Variants in HDAC9 observed in about 807,000 individuals in gnomAD.
HDAC9 encodes histone deacetylase 9, also known as MEF-2 interacting transcription repressor (MITR) protein.
Under a neutral mutation model 139.4 loss-of-function variants are expected in HDAC9, and 41 were observed. That is an observed-to-expected ratio of 0.29 (90% confidence interval 0.23 to 0.38). HDAC9 has a LOEUF of 0.38. Ranked by LOEUF, HDAC9 falls within the 10% of genes least tolerant of loss-of-function variation. The pLI is 1.00. For synonymous variants in HDAC9, 517 were observed against 476.2 expected (o/e 1.09, Z -1.12); for missense variants, 1,147 against 1,297.0 (o/e 0.88, Z 1.78).
chr7:18,484,380 C>T (rs1004932774), intron 1 of HDAC9, among the ~76,000 whole-genome samples: 1 of 151,402 alleles, frequency 6.6e-6, no homozygotes, highest in African/African-American at 2.4e-5. Flanking sequence ...ACAAAGGTAG[C>T]CCCATTATCA....
intron 23 of HDAC9, among the ~76,000 whole-genome samples, chr7:18,938,091 T>C (rs1781767661): frequency 1.3e-5 from 2 of 152,226 alleles, no homozygotes; most frequent in Admixed American, 6.5e-5. Context: ...GGGAGAACTC[T>C]GGCCATTTTA....
Position 18,761,021 on chromosome 7 carries a change from A to G in HDAC9, c.2044-1136A>G, listed in dbSNP as rs534658545. On this transcript the variant is annotated intron_variant, in intron 14 of 25. Transcript: ENST00000686413. ...AACATGAAAGGACAGCATTCCCTGA[A>G]CAGATTCTCCTTGAATTTCACTGTT... Among the ~76,000 whole-genome samples the G allele has an allele frequency of 2.0e-5, 3 of 152,330 alleles. No homozygotes were observed. In the South Asian group the frequency reaches 6.2e-4, roughly 32 times the overall value.
intron 9 of HDAC9, among the ~76,000 whole-genome samples, chr7:18,646,214 T>A (rs1787350375): frequency 6.6e-6 from 1 of 152,152 alleles, no homozygotes; most frequent in South Asian, 2.1e-4. Flanking sequence ...GACACATGAA[T>A]AGGCATTTTA....
rs1785050253 is a variant in HDAC9 at position 18,132,094 on chromosome 7, A to T, written c.-96-30135A>T. 3.9e-5 allele frequency among the ~76,000 whole-genome samples: 6 copies of T among 152,142 alleles called. No individual in the cohort carries two copies. In the South Asian group the frequency reaches 1.0e-3, roughly 26 times the overall value. On this transcript the variant is annotated intron_variant, in intron 1 of 12. Coordinates refer to the HDAC9 transcript ENST00000417496. ...TAACACCTTCACACGCCTCTTTTTG[A>T]AATTCTCTATTGCGTGTTCATTTAC... is the stretch of plus-strand genomic sequence containing the variant.
At chr7:18,393,456 C>T (rs948996549) in intron 1 of HDAC9, among the ~76,000 whole-genome samples, 1 of 152,050 alleles carries the variant, frequency 6.6e-6, no homozygotes, top group African/African-American at 2.4e-5. Context: ...ATCAGGCATG[C>T]TTCTCCTACT....
intron 2 of HDAC9, among the ~76,000 whole-genome samples, chr7:18,221,368 G>C (rs1584708839): frequency 6.6e-6 from 1 of 152,244 alleles, no homozygotes; most frequent in Middle Eastern, 3.4e-3. Flanking sequence ...GCCTCGCAAA[G>C]TGCTGGGATT....
chr7:18,357,256 G>A (rs536469285), intron 1 of HDAC9, among the ~76,000 whole-genome samples: 308 of 152,204 alleles, frequency 2.0e-3, no homozygotes, highest in Non-Finnish European at 3.6e-3. Context: ...ATGTGAAAAA[G>A]GGTAGACATC....
chr7:18,432,069 T>G (rs1205312726), intron 1 of HDAC9, among the ~76,000 whole-genome samples: 1 of 152,222 alleles, frequency 6.6e-6, no homozygotes, highest in African/African-American at 2.4e-5. Context: ...CCCAGCTGTT[T>G]AGCCCTATTT....
In HDAC9 at chr7:18,172,459, G is replaced by A. The variant is rs189923134; in HGVS notation, c.25+10110G>A. Among the ~76,000 whole-genome samples, 1,092 of 152,062 alleles carry A rather than the reference G, an allele frequency of 7.2e-3. 11 individuals are homozygous for A. Among genetic ancestry groups the A allele is most frequent in the African/African-American group, 0.026 (1,061 of 41,462 alleles). On this transcript the variant is annotated intron_variant, in intron 2 of 12. Transcript: ENST00000417496. ...TTATGTCTCTATCTCCTTCAGTTCTGCTCTGATCTTAGTTATTTCTTGCCT... is the reference window on the plus strand; with the variant it reads ...TTATGTCTCTATCTCCTTCAGTTCTACTCTGATCTTAGTTATTTCTTGCCT...
intron 3 of HDAC9, among the ~76,000 whole-genome samples, chr7:18,590,003 C>T (rs1469961648): frequency 6.6e-6 from 1 of 152,000 alleles, no homozygotes; most frequent in African/African-American, 2.4e-5. Context: ...CTGGGCAGTC[C>T]CTACCTTTTC....
intron 1 of HDAC9, among the ~76,000 whole-genome samples, chr7:18,319,327 A>T (rs1799866351): frequency 6.6e-6 from 1 of 152,218 alleles, no homozygotes; most frequent in Non-Finnish European, 1.5e-5. Flanking sequence ...GCATTTAAAC[A>T]TAAACTATAA....
At chr7:18,453,341 T>G (rs546255920) in intron 1 of HDAC9, among the ~76,000 whole-genome samples, 1 of 152,168 alleles carries the variant, frequency 6.6e-6, no homozygotes, top group Non-Finnish European at 1.5e-5. Context: ...GGAAGGAATT[T>G]AATTCTGGAG....
chr7:18,837,237 G>A (rs888084730), intron 21 of HDAC9, among the ~76,000 whole-genome samples: 1 of 151,612 alleles, frequency 6.6e-6, no homozygotes, highest in African/African-American at 2.4e-5. Flanking sequence ...TATCCACAAT[G>A]TTGTAGAAAA....
chr7:18,199,970 A>T (rs988360409), intron 2 of HDAC9, among the ~76,000 whole-genome samples: 1 of 152,054 alleles, frequency 6.6e-6, no homozygotes, highest in Non-Finnish European at 1.5e-5. Context: ...AATAAGATGT[A>T]TGTATTCAGA....
intron 13 of HDAC9, among the ~76,000 whole-genome samples, chr7:18,741,208 GAAGAGATAGAGAGAAAACTTT>G (rs1787418552): frequency 6.6e-6 from 1 of 152,204 alleles, no homozygotes; most frequent in Admixed American, 6.5e-5. Flanking sequence ...TTCACTGGAA[GAAGAGATAGAGAGAAAACTTT>G]AAGAGATAGA....
At chr7:18,994,948 CA>C (rs1786340343) in intron 25 of HDAC9, among the ~76,000 whole-genome samples, 1 of 152,088 alleles carries the variant, frequency 6.6e-6, no homozygotes, top group African/African-American at 2.4e-5. Context: ...AAGCATCATC[CA>C]AATATTTTTT....
chr7:18,219,728 C>T (rs1390797764), intron 2 of HDAC9, among the ~76,000 whole-genome samples: 1 of 152,094 alleles, frequency 6.6e-6, no homozygotes, highest in African/African-American at 2.4e-5. Flanking sequence ...TAAATAATAG[C>T]TTGCTGAACA....
At chr7:18,816,246 G>A (rs2520357) in intron 17 of HDAC9, among the ~76,000 whole-genome samples, 4,102 of 152,206 alleles carry the variant, frequency 0.027, 193 homozygotes, top group African/African-American at 0.095. Flanking sequence ...TTACTTCTAA[G>A]TAAAGCTTAA....
At chr7:18,721,480 ATTC>A (rs1003979372) in intron 12 of HDAC9, among the ~76,000 whole-genome samples, 3 of 152,166 alleles carry the variant, frequency 2.0e-5, no homozygotes, top group African/African-American at 7.2e-5. Flanking sequence ...ATGTTCGTGA[ATTC>A]TTCTTTAAAG....
Sources: gnomAD v4.1 joint callset for allele counts (sites outside exome capture counted in the v4.1 genomes callset) on GRCh38, gnomAD v4.1.1 for gene constraint, MANE v1.5 for transcripts, NCBI Gene and HGNC (gene_info 2026-07-23, HGNC 2026-07-21) for gene names.